The following ARHGAP42 variants were observed in gnomAD, a reference collection of about 807,000 sequenced individuals.
The protein encoded by ARHGAP42 is Rho GTPase activating protein 42.
A neutral mutation model predicts 125.0 loss-of-function variants in ARHGAP42; 63 were observed. That is an observed-to-expected ratio of 0.50 (90% CI 0.41 to 0.62). ARHGAP42 has a LOEUF of 0.62. Among genes scored for constraint, ARHGAP42 ranks in the 20% least tolerant of loss-of-function variants. The pLI, the probability that ARHGAP42 is intolerant of heterozygous loss-of-function variation, is 0.00. For synonymous variants in ARHGAP42, 339 were observed against 351.0 expected (o/e 0.97, Z 0.38); for missense variants, 766 against 1,024.2 (o/e 0.75, Z 3.44).
chr11:100,912,618 G>T (rs1348228158), intron 4 of ARHGAP42, among the ~76,000 whole-genome samples: 1 of 152,116 alleles, frequency 6.6e-6, no homozygotes, highest in Non-Finnish European at 1.5e-5. Flanking sequence ...ATATCTGGTG[G>T]ATACAACATT....
At chr11:100,971,225 T>C (rs1253173401) in intron 17 of ARHGAP42, among the ~76,000 whole-genome samples, 2 of 152,154 alleles carry the variant, frequency 1.3e-5, no homozygotes, top group African/African-American at 4.8e-5. Flanking sequence ...TTGGTTATGG[T>C]TTTAAATAAT....
intron 1 of ARHGAP42, among the ~76,000 whole-genome samples, chr11:100,740,436 TTAAC>T (rs1399194527): frequency 1.3e-5 from 2 of 152,188 alleles, no homozygotes; most frequent in Non-Finnish European, 2.9e-5. Context: ...GCAAAACAGG[TTAAC>T]TAATTTGCTC....
chr11:100,948,807 T>C (rs12418561), intron 11 of ARHGAP42, among the ~76,000 whole-genome samples: 7,521 of 152,122 alleles, frequency 0.049, 325 homozygotes, highest in East Asian at 0.25. Context: ...TCACCTTGGC[T>C]CCACCCATTA....
chr11:100,747,224 G>C (rs1862325326), intron 1 of ARHGAP42, among the ~76,000 whole-genome samples: 1 of 152,190 alleles, frequency 6.6e-6, no homozygotes, highest in African/African-American at 2.4e-5. Flanking sequence ...GGACTTTATA[G>C]TCCTTGGTGC....
intron 7 of ARHGAP42, among the ~76,000 whole-genome samples, chr11:100,934,988 T>A (rs1413277731): frequency 6.6e-6 from 1 of 152,142 alleles, no homozygotes; most frequent in East Asian, 1.9e-4. Flanking sequence ...TTTTTATGAT[T>A]TACTTCCACA....
At chr11:100,908,223 AT>A (rs1335794238) in intron 4 of ARHGAP42, among the ~76,000 whole-genome samples, 2 of 152,164 alleles carry the variant, frequency 1.3e-5, no homozygotes, top group African/African-American at 4.8e-5. Flanking sequence ...ATTTATTTCT[AT>A]TTATGATTAA....
At chr11:100,943,632 A>G (rs1009518265) in intron 9 of ARHGAP42, 127 bp from the exon 10 acceptor site, 3 of 553,280 alleles carry the variant, frequency 5.4e-6, no homozygotes, top group Admixed American at 7.0e-5. Flanking sequence ...AAGACAGGGT[A>G]TGATTGTGAC....
intron 11 of ARHGAP42, among the ~76,000 whole-genome samples, chr11:100,949,531 T>C (rs369228795): frequency 3.9e-5 from 6 of 152,296 alleles, no homozygotes; most frequent in Admixed American, 3.3e-4. Flanking sequence ...CCCAACAATG[T>C]ACAAGTTAGG....
At chr11:100,700,983 T>C (rs1317199039) in intron 1 of ARHGAP42, among the ~76,000 whole-genome samples, 2 of 152,328 alleles carry the variant, frequency 1.3e-5, no homozygotes, top group East Asian at 3.9e-4. Context: ...ATCTCTTAAA[T>C]CATAAGATTA....
At chr11:100,987,664 G>A (rs1049011329) in intron 23 of ARHGAP42, 72 bp downstream of exon 23, 1 of 1,384,302 alleles carries the variant, frequency 7.2e-7, no homozygotes, top group Non-Finnish European at 1.0e-6. Context: ...GGTGGTATGA[G>A]TCTAAAGTAG....
At chr11:100,780,184 T>C (rs1359800004) in intron 2 of ARHGAP42, among the ~76,000 whole-genome samples, 2 of 152,154 alleles carry the variant, frequency 1.3e-5, no homozygotes, top group Non-Finnish European at 1.5e-5. Context: ...TGGTCCAAAT[T>C]TTGCTCTCAT....
At chr11:100,787,566 G>C (rs1442624797) in intron 2 of ARHGAP42, among the ~76,000 whole-genome samples, 2 of 152,142 alleles carry the variant, frequency 1.3e-5, no homozygotes, top group East Asian at 3.9e-4. Context: ...TTAAAGACTT[G>C]GTCACAAGTT....
intron 6 of ARHGAP42, among the ~76,000 whole-genome samples, chr11:100,924,626 C>T (rs182260013): frequency 4.9e-4 from 75 of 151,836 alleles, no homozygotes; most frequent in African/African-American, 1.2e-3. Flanking sequence ...GAAATCGCGC[C>T]GCTGGACTCC....
At chr11:100,688,278 C>T (rs1459514412) in intron 1 of ARHGAP42, among the ~76,000 whole-genome samples, 1 of 152,154 alleles carries the variant, frequency 6.6e-6, no homozygotes, top group African/African-American at 2.4e-5. Context: ...GTCAGTGGCT[C>T]TTCATTGGAC....
At chr11:100,696,934 T>C (rs1469222761) in intron 1 of ARHGAP42, among the ~76,000 whole-genome samples, 1 of 152,178 alleles carries the variant, frequency 6.6e-6, no homozygotes, top group African/African-American at 2.4e-5. Flanking sequence ...TCTCTGGGTA[T>C]ACTGGAGAGT....
chr11:100,955,377 T>C (rs1025452463), intron 12 of ARHGAP42, among the ~76,000 whole-genome samples: 1 of 152,092 alleles, frequency 6.6e-6, no homozygotes, highest in African/African-American at 2.4e-5. Flanking sequence ...CAGAATTTGG[T>C]AGTAGTTGTA....
Position 100,990,797 on chromosome 11 carries a change from G to T in ARHGAP42, c.*1996G>T, listed in dbSNP as rs1445418693. 6.6e-6 allele frequency: 1 copy of T among 152,516 alleles called. No individual in the cohort carries two copies. Among genetic ancestry groups the T allele is most frequent in the Non-Finnish European group, 1.5e-5 (1 of 68,020 alleles). 9.4% of individuals were successfully genotyped at this position (152,516 alleles called of 1,614,324 possible). A position where few individuals can be genotyped will look rare whatever the true frequency, so the allele number is the denominator to read the frequency against. On this transcript the variant is annotated 3_prime_UTR_variant, in exon 24 of 24. Transcript: ENST00000298815. ...CTTGCCATCATCTGGTATCCTGCTA[G>T]ACTAGAATCTCTTAAAAGCAAATTG... is the stretch of plus-strand genomic sequence containing the variant.
At chr11:100,923,170 C>T (rs1423093824) in intron 6 of ARHGAP42, among the ~76,000 whole-genome samples, 1 of 152,174 alleles carries the variant, frequency 6.6e-6, no homozygotes, top group Non-Finnish European at 1.5e-5. Context: ...TTCCCATTGA[C>T]TAAGTCCCAC....
chr11:100,873,894 C>T (rs1865753816), intron 4 of ARHGAP42, among the ~76,000 whole-genome samples: 1 of 152,138 alleles, frequency 6.6e-6, no homozygotes, highest in Admixed American at 6.5e-5. Context: ...TGAGGGCAGT[C>T]CAGTCTTGAC....
Sources: allele counts gnomAD v4.1 joint callset (sites outside exome capture counted in the v4.1 genomes callset), GRCh38; gene constraint gnomAD v4.1.1; transcripts MANE v1.5; gene names NCBI Gene and HGNC (gene_info 2026-07-23, HGNC 2026-07-21).